EIF4E1B: variants seen among roughly 807,000 people sequenced by gnomAD.
EIF4E1B encodes eukaryotic translation initiation factor 4E family member 1B, also known as eukaryotic translation initiation factor 4E type 1B.
Under a neutral mutation model 31.3 loss-of-function variants are expected in EIF4E1B, and 22 were observed. The ratio of observed to expected loss-of-function variants is 0.70; its 90% CI spans 0.50 to 1.00. The LOEUF is 1.00. Among genes scored for constraint, EIF4E1B ranks in the 50% least tolerant of loss-of-function variants. EIF4E1B has a pLI of 0.00. For synonymous variants in EIF4E1B, 126 were observed against 120.2 expected (o/e 1.05, Z -0.31); for missense variants, 290 against 311.6 (o/e 0.93, Z 0.52).
chr5:176,636,660 C>A (rs1423353396), intron 1 of EIF4E1B, among the ~76,000 whole-genome samples: 1 of 152,192 alleles, frequency 6.6e-6, no homozygotes. Flanking sequence ...GCAGGCAGGA[C>A]GGGAAGCTGA....
In EIF4E1B at chr5:176,642,744, C is replaced by A. The variant is rs922476611; in HGVS notation, c.-44C>A. ...CCCATGGTGTGGGGCTTGGTCACAGCTGCTTCCCCAGCCCCAGGCCTGCAC... is the reference window on the plus strand; with the variant it reads ...CCCATGGTGTGGGGCTTGGTCACAGATGCTTCCCCAGCCCCAGGCCTGCAC... On this transcript the variant is annotated 5_prime_UTR_variant, in exon 3 of 9. In the 5' UTR this introduces an upstream ATG that the reference lacks. Transcript: ENST00000318682. The A allele has an allele frequency of 2.6e-6, 4 of 1,556,206 alleles. No individual in the cohort carries two copies. In the South Asian group the frequency reaches 4.8e-5, roughly 18 times the overall value.
rs529388900 is a variant in EIF4E1B, at chr5:176,634,910, C to T, written c.-202+3846C>T. 1.2e-4 allele frequency among the ~76,000 whole-genome samples: 19 copies of T among 152,110 alleles called. No homozygotes were observed. In the East Asian group the frequency reaches 3.1e-3, roughly 25 times the overall value. On this transcript the variant is annotated intron_variant, in intron 1 of 8. Transcript: ENST00000318682. ...GTCTCGATCTCCTGACCTCATGATC[C>T]GCCCACCTCAGCCTCCCAAAGTGCT... is the stretch of plus-strand genomic sequence containing the variant.
In EIF4E1B at chr5:176,646,642, A is replaced by AG. The variant is rs2113452386; in HGVS notation, c.*662_*663insG. 1 of 152,438 alleles carries AG rather than the reference A, an allele frequency of 6.6e-6. No individual in the cohort carries two copies. Among genetic ancestry groups the AG allele is most frequent in the African/African-American group, 2.4e-5 (1 of 41,594 alleles). The allele number at this position is 152,438 out of a possible 1,614,324, so 9.4% of individuals were successfully genotyped here. ...CTGTTTTAAATAAATACTTCTGAACAAAGTTGGAATTATTTTTAAGAGGGC... is the reference window on the plus strand; with the variant it reads ...CTGTTTTAAATAAATACTTCTGAACAGAAGTTGGAATTATTTTTAAGAGGGC... On this transcript the variant is annotated 3_prime_UTR_variant, in exon 9 of 9. Transcript: ENST00000318682.
intron 2 of EIF4E1B, among the ~76,000 whole-genome samples, chr5:176,642,440 G>C (rs1411229789): frequency 2.0e-5 from 3 of 152,174 alleles, no homozygotes; most frequent in African/African-American, 4.8e-5. Flanking sequence ...GAGTTGCCTG[G>C]GCAACATAGT....
intron 3 of EIF4E1B, 49 bp downstream of exon 3, chr5:176,642,851 T>TCCTCC: frequency 1.0e-6 from 1 of 998,544 alleles, no homozygotes; most frequent in Non-Finnish European, 1.3e-6. Flanking sequence ...CCCCGCCCTC[T>TCCTCC]CCCCCCCCCC....
At chr5:176,644,171 G>A (rs762324604) in intron 5 of EIF4E1B, 44 of 605,630 alleles carry the variant, frequency 7.3e-5, no homozygotes, top group Non-Finnish European at 9.5e-5. Context: ...CCCAGGGGTT[G>A]GCTCAGCCTT....
chr5:176,641,058 G>A (rs904263182), intron 1 of EIF4E1B, among the ~76,000 whole-genome samples: 8 of 152,136 alleles, frequency 5.3e-5, no homozygotes, highest in Non-Finnish European at 1.0e-4. Flanking sequence ...TTTGGGTCAC[G>A]CCTGTAATCC....
intron 1 of EIF4E1B, among the ~76,000 whole-genome samples, chr5:176,633,415 A>G (rs1288893835): frequency 6.6e-6 from 1 of 151,950 alleles, no homozygotes; most frequent in Non-Finnish European, 1.5e-5. Context: ...AAAAATATTT[A>G]TTATTTGTTT....
Position 176,644,385 on chromosome 5 carries a change from T to A in EIF4E1B, c.306T>A (p.Ser102Arg). ...DTVEDFWALY[S>R]HIQLASKLSS... ...CGGGGGCTCTGTCCAGGCTATACAGTCACATCCAGCTGGCCAGCAAGCTCT... is the reference window on the plus strand; with the variant it reads ...CGGGGGCTCTGTCCAGGCTATACAGACACATCCAGCTGGCCAGCAAGCTCT... Residue 102 changes from serine (S) to arginine (R), a missense_variant, in exon 6 of 9, where the codon AGT (serine) becomes AGA (arginine). By Grantham distance (110) the Ser-to-Arg change is moderately radical. Coordinates refer to ENST00000318682, the MANE Select transcript of EIF4E1B (RefSeq NM_001099408.2). The A allele has an allele frequency of 1.9e-6, 3 of 1,591,004 alleles. No individual in the cohort carries two copies. The highest frequency in any genetic ancestry group is 2.6e-6 in the Non-Finnish European group (3 of 1,168,642).
rs1192985241 is a variant in EIF4E1B at position 176,642,140 on chromosome 5, AT to A, written c.-103del. On this transcript the variant is annotated 5_prime_UTR_variant, in exon 2 of 9. Transcript: ENST00000318682. ...TGTGGCTGCAGCCCTGACCCTCACC[AT>A]CCAGGTCAGGCAGAGAACACTCAGG... The A allele has an allele frequency of 6.5e-6, 1 of 152,744 alleles. No individual in the cohort carries two copies. The highest frequency in any genetic ancestry group is 1.9e-4 in the East Asian group (1 of 5,200). The allele number at this position is 152,744 out of a possible 1,614,324, so 9.5% of individuals were successfully genotyped here. A position where few individuals can be genotyped will look rare whatever the true frequency, so the allele number is the denominator to read the frequency against.
intron 1 of EIF4E1B, among the ~76,000 whole-genome samples, chr5:176,634,722 T>C (rs1425285205): frequency 6.9e-6 from 1 of 144,472 alleles, no homozygotes; most frequent in African/African-American, 2.6e-5. Flanking sequence ...CAGGCTAGAG[T>C]GCAGTGGCGT....
intron 1 of EIF4E1B, among the ~76,000 whole-genome samples, chr5:176,634,286 G>GGT (rs1011780891): frequency 2.6e-5 from 4 of 152,092 alleles, no homozygotes; most frequent in Non-Finnish European, 5.9e-5. Context: ...TTTGAGCCAC[G>GGT]GTGTACTCAG....
chr5:176,637,461 C>A (rs891423746), intron 1 of EIF4E1B, among the ~76,000 whole-genome samples: 1 of 151,936 alleles, frequency 6.6e-6, no homozygotes, highest in Non-Finnish European at 1.5e-5. Context: ...GCCTTGGGGA[C>A]CTTGAGGAAG....
chr5:176,642,865 C>CCCTG (rs56115420), intron 3 of EIF4E1B, 63 bp downstream of exon 3: 8 of 1,173,074 alleles, frequency 6.8e-6, no homozygotes, highest in African/African-American at 2.3e-5. Context: ...CCCCCCCCCC[C>CCCTG]GCCCCAGGTG....
intron 1 of EIF4E1B, among the ~76,000 whole-genome samples, chr5:176,631,625 A>AG (rs1258817009): frequency 6.7e-6 from 1 of 148,600 alleles, no homozygotes; most frequent in African/African-American, 2.5e-5. Context: ...TAATTAGGCG[A>AG]GGGGGCCACC....
rs1760665021 is a variant in EIF4E1B at position 176,644,980 on chromosome 5, G to A, written c.361-150G>A. 4.5e-6 allele frequency: 3 copies of A among 665,236 alleles called. No homozygotes were observed. The South Asian group carries it at 5.8e-5, about 13-fold the overall frequency. 41.2% of individuals were successfully genotyped at this position (665,236 alleles called of 1,614,324 possible). ...TGTCGGGGGGAGCTGAGTGGCTGGG[G>A]GTGGAACCTGCTTGCACTGAGGGAA... On this transcript the variant is annotated intron_variant, in intron 6 of 8. Transcript: ENST00000318682.
chr5:176,639,452 A>C (rs1288543423), intron 1 of EIF4E1B, among the ~76,000 whole-genome samples: 2 of 152,012 alleles, frequency 1.3e-5, no homozygotes, highest in African/African-American at 4.8e-5. Flanking sequence ...CTCCTTAGTC[A>C]CCTCAATCCA....
Position 176,645,855 on chromosome 5 carries a change from C to T in EIF4E1B, c.615-11C>T, listed in dbSNP as rs760310232. ...TGTGTCTCTTTTCCTCTGTGTCCCCCGCACCTGCAGGCGTGTATACAAAGA... is the reference window on the plus strand; with the variant it reads ...TGTGTCTCTTTTCCTCTGTGTCCCCTGCACCTGCAGGCGTGTATACAAAGA... On this transcript the variant is annotated splice_polypyrimidine_tract_variant and intron_variant, in intron 8 of 8. Coordinates refer to ENST00000318682, the MANE Select transcript of EIF4E1B (RefSeq NM_001099408.2). The surrounding 1 kb of genome is among the most constrained non-coding windows in gnomAD (Gnocchi z 5.4). The T allele has an allele frequency of 1.2e-5, 19 of 1,566,382 alleles. No individual in the cohort carries two copies. The highest frequency in any genetic ancestry group is 1.5e-5 in the Non-Finnish European group (17 of 1,155,486).
intron 1 of EIF4E1B, among the ~76,000 whole-genome samples, chr5:176,641,087 G>A (rs894611882): frequency 2.0e-4 from 31 of 152,284 alleles, no homozygotes; most frequent in Admixed American, 2.0e-3. Context: ...GGGAGGCCAA[G>A]GTGGGCAGAT....
Sources: allele counts gnomAD v4.1 joint callset (sites outside exome capture counted in the v4.1 genomes callset), GRCh38; gene constraint gnomAD v4.1.1; non-coding constraint Gnocchi (gnomAD v3.1); transcripts MANE v1.5; gene names NCBI Gene and HGNC (gene_info 2026-07-23, HGNC 2026-07-21).